Variants in HAPSTR1 observed in about 807,000 individuals in gnomAD.
The protein encoded by HAPSTR1 is HUWE1 associated protein modifying stress responses, also known as HUWE1-associated protein modifying stress responses 1.
the HAPSTR1 span, among the ~76,000 whole-genome samples, chr16:9,101,877 C>G: frequency 6.6e-6 from 1 of 152,102 alleles, no homozygotes; most frequent in Admixed American, 6.6e-5. Flanking sequence ...ATCCCCAGCA[C>G]TTTGGGAGGC....
chr16:9,117,668 G>A, the HAPSTR1 span: 1 of 152,558 alleles, frequency 6.6e-6, no homozygotes, highest in African/African-American at 2.4e-5. Context: ...CCCATGCGGG[G>A]TACTTTCCTT....
chr16:9,104,080 A>T, the HAPSTR1 span: 8 of 152,024 alleles, frequency 5.3e-5, no homozygotes, highest in African/African-American at 1.9e-4. Flanking sequence ...ATGGCTAAGC[A>T]GGTAGAAGTA....
chr16:9,093,038 G>T, the HAPSTR1 span: 3 of 1,571,162 alleles, frequency 1.9e-6, no homozygotes, highest in Non-Finnish European at 2.6e-6. Context: ...ATTCAGGGAA[G>T]GGCCGCCTGC....
At chr16:9,119,631 A>G in the HAPSTR1 span, 4 of 152,248 alleles carry the variant, frequency 2.6e-5, no homozygotes, top group South Asian at 2.1e-4. Context: ...AGATTCTTCA[A>G]TGTGGTTTAC....
chr16:9,116,275 G>T, the HAPSTR1 span, among the ~76,000 whole-genome samples: 1 of 152,110 alleles, frequency 6.6e-6, no homozygotes, highest in Non-Finnish European at 1.5e-5. Flanking sequence ...TCATCAGAGG[G>T]GTCTGTTGGA....
chr16:9,099,850 TC>T, the HAPSTR1 span, among the ~76,000 whole-genome samples: 4 of 152,186 alleles, frequency 2.6e-5, no homozygotes, highest in African/African-American at 7.2e-5. Context: ...CATGCAGGTC[TC>T]CTAATTAGCT....
the HAPSTR1 span, chr16:9,106,273 A>G: frequency 6.6e-6 from 1 of 151,436 alleles, no homozygotes; most frequent in African/African-American, 2.4e-5. Context: ...AGGCATATCA[A>G]TTTATGGTTA....
chr16:9,114,025 G>C, the HAPSTR1 span, among the ~76,000 whole-genome samples: 2 of 152,186 alleles, frequency 1.3e-5, no homozygotes, highest in Non-Finnish European at 1.5e-5. Flanking sequence ...CTGTGCTTAG[G>C]TCATTAGATG....
At chr16:9,097,011 C>T in the HAPSTR1 span, among the ~76,000 whole-genome samples, 2 of 152,026 alleles carry the variant, frequency 1.3e-5, no homozygotes, top group Non-Finnish European at 2.9e-5. Context: ...GGCGTGATCT[C>T]GGCTCACTGC....
At chr16:9,092,043 G>A in the HAPSTR1 span, 1 of 1,519,004 alleles carries the variant, frequency 6.6e-7, no homozygotes, top group Non-Finnish European at 8.8e-7. Context: ...AGGCCGCGGA[G>A]GATGGAGGAG....
chr16:9,103,327 G>A, the HAPSTR1 span: 16 of 1,521,980 alleles, frequency 1.1e-5, no homozygotes, highest in Middle Eastern at 1.8e-4. Flanking sequence ...CATTTTTCAC[G>A]GTTAGGTTTA....
the HAPSTR1 span, among the ~76,000 whole-genome samples, chr16:9,092,556 C>G: frequency 2.0e-5 from 3 of 152,134 alleles, no homozygotes; most frequent in East Asian, 1.9e-4. Flanking sequence ...CCCCTCGGCC[C>G]GGAGACGGGA....
At chr16:9,121,177 T>C in the HAPSTR1 span, 1 of 152,334 alleles carries the variant, frequency 6.6e-6, no homozygotes, top group African/African-American at 2.4e-5. Flanking sequence ...CAGTCTTGAA[T>C]TCCTGACCTT....
At chr16:9,111,509 G>C in the HAPSTR1 span, 7 of 152,214 alleles carry the variant, frequency 4.6e-5, no homozygotes, top group South Asian at 6.2e-4. Flanking sequence ...CATTTTCTGT[G>C]TATTAAGATT....
the HAPSTR1 span, chr16:9,109,456 C>G: frequency 1.3e-5 from 2 of 152,198 alleles, no homozygotes; most frequent in East Asian, 1.9e-4. Context: ...GACCCTGATT[C>G]AGACTGTTCC....
At chr16:9,094,045 T>C in the HAPSTR1 span, among the ~76,000 whole-genome samples, 1 of 152,170 alleles carries the variant, frequency 6.6e-6, no homozygotes, top group African/African-American at 2.4e-5. Context: ...AGGTGCTGCT[T>C]GACTGTCAAG....
At chr16:9,092,780 C>T in the HAPSTR1 span, 9 of 899,320 alleles carry the variant, frequency 1.0e-5, no homozygotes, top group Admixed American at 5.3e-5. Flanking sequence ...GATCCCGAAA[C>T]CCCTGAACAA....
At chr16:9,093,456 C>G in the HAPSTR1 span, among the ~76,000 whole-genome samples, 244 of 152,240 alleles carry the variant, frequency 1.6e-3, no homozygotes, top group Non-Finnish European at 2.7e-3. Flanking sequence ...GTACTACAGT[C>G]GGAAGTGGGA....
At chr16:9,119,032 C>G in the HAPSTR1 span, 16 of 152,642 alleles carry the variant, frequency 1.0e-4, no homozygotes, top group African/African-American at 3.9e-4. Flanking sequence ...TGCCAGAACA[C>G]AATTTATATG....
Sources: allele counts gnomAD v4.1 joint callset (sites outside exome capture counted in the v4.1 genomes callset), GRCh38; gene constraint gnomAD v4.1.1; transcripts MANE v1.5; gene names NCBI Gene and HGNC (gene_info 2026-07-23, HGNC 2026-07-21).